The following FAM151A variants were observed in gnomAD, a reference collection of about 807,000 sequenced individuals.
FAM151A encodes protein FAM151A.
FAM151A carries 41 observed loss-of-function variants against 40.4 expected under a neutral mutation model. The ratio of observed to expected loss-of-function variants is 1.01; its 90% confidence interval spans 0.79 to 1.32. FAM151A has a LOEUF of 1.32. FAM151A is among the 40% of genes most tolerant of loss of function. The pLI, the probability that FAM151A is intolerant of heterozygous loss-of-function variation, is 0.00. For missense variants in FAM151A, 740 were observed against 740.4 expected (o/e 1.00, Z 0.01); for synonymous variants, 337 against 312.5 (o/e 1.08, Z -0.83).
At chr1:54,616,211 A>T (rs199663449) in intron 2 of FAM151A, 39 bp from the exon 3 acceptor site, 18 of 1,551,476 alleles carry the variant, frequency 1.2e-5, no homozygotes, top group Admixed American at 1.0e-4. Context: ...TCCTTTTTTT[A>T]AAAAAAGAAA....
At chr1:54,616,333 A>AT (rs1246953215) in intron 2 of FAM151A, among the ~76,000 whole-genome samples, 161 bp from the exon 3 acceptor site, 1 of 151,396 alleles carries the variant, frequency 6.6e-6, no homozygotes, top group Non-Finnish European at 1.5e-5. Context: ...CATTTCGATG[A>AT]TTTTTTTTCT....
At chr1:54,615,314 G>T (rs890140686) in intron 3 of FAM151A, among the ~76,000 whole-genome samples, 3 of 152,180 alleles carry the variant, frequency 2.0e-5, no homozygotes, top group Non-Finnish European at 4.4e-5. Context: ...AGGGTGGTGA[G>T]GAGATGAGGC....
chr1:54,609,606 C>T lies in FAM151A; in HGVS notation c.1420G>A (p.Val474Met), dbSNP rs371266614. ...TCAGGCCAGCCTGGTGCCACAGTCA[C>T]GTGGGGGAAGACCTCAGCCACAGCT... ...LTAVAEVFPHVTVAPGWPEEV... is the reference protein window; with the variant it reads ...LTAVAEVFPHMTVAPGWPEEV... Residue 474 changes from valine to methionine, a missense_variant, in exon 8 of 8, where the codon GTG (valine) becomes ATG (methionine). Val to Met is a conservative substitution (Grantham distance 21, BLOSUM62 1). Coordinates refer to ENST00000302250, the MANE Select transcript of FAM151A (RefSeq NM_176782.3). 2.6e-5 allele frequency: 42 copies of T among 1,613,176 alleles called. No homozygotes were observed. The highest frequency in any genetic ancestry group is 4.5e-5 in the East Asian group (2 of 44,894).
Position 54,611,660 on chromosome 1 carries a change from G to A in FAM151A, c.886C>T (p.Gln296Ter), listed in dbSNP as rs1644119946. Residue 296 changes from glutamine to a stop codon, truncating the protein, a stop_gained, in exon 6 of 8, where the codon CAA becomes TAA. Coordinates refer to ENST00000302250, the MANE Select transcript of FAM151A (RefSeq NM_176782.3). LOFTEE classifies it high-confidence loss of function. ...LYVRDNTAVH[Q>*]VYYDIFEPLL... ...GGCTCAAAGATGTCATAGTAGACTT[G>A]GTGGACAGCAGTGTTATCCCGGACG... The A allele has an allele frequency of 6.2e-7, 1 of 1,614,060 alleles. No homozygotes were observed. The highest frequency in any genetic ancestry group is 1.3e-5 in the African/African-American group (1 of 75,034).
rs944560520 is a variant in FAM151A, at chr1:54,610,002, T to A, written c.1085-61A>T. 9.1e-6 allele frequency: 14 copies of A among 1,532,326 alleles called. No homozygotes were observed. The African/African-American group carries it at 1.9e-4, about 21-fold the overall frequency. 94.9% of individuals were successfully genotyped at this position (1,532,326 alleles called of 1,614,324 possible). The stretch of plus-strand genomic sequence containing the variant: ...TTGGGTTATCATAAGGTGTTAAGAG[T>A]CCCTTGTTAAAGGGGCAGTGGGAGT... On this transcript the variant is annotated intron_variant, in intron 7 of 7. Coordinates refer to ENST00000302250, the MANE Select transcript of FAM151A (RefSeq NM_176782.3).
rs1039717077 is a variant in FAM151A, at chr1:54,616,178, G to A, written c.263-6C>T. The A allele has an allele frequency of 6.2e-7, 1 of 1,611,734 alleles. No homozygotes were observed. The highest frequency in any genetic ancestry group is 8.5e-7 in the Non-Finnish European group (1 of 1,178,378). On this transcript the variant is annotated splice_polypyrimidine_tract_variant and splice_region_variant and intron_variant, in intron 2 of 7. Coordinates refer to ENST00000302250, the MANE Select transcript of FAM151A (RefSeq NM_176782.3). ...CTCCAGGACTGTGATGTTGCCTGTG[G>A]AAGGGGCAACAACTCAGTGAGTTCC...
At chr1:54,614,604 G>T in intron 4 of FAM151A, 96 bp downstream of exon 4, 1 of 1,278,726 alleles carries the variant, frequency 7.8e-7, no homozygotes, top group South Asian at 1.5e-5. Flanking sequence ...TAGTATGATT[G>T]GAGACAAACT....
rs58464768 is a variant in FAM151A, at chr1:54,610,524, C to T, written c.972G>A (p.Thr324=). 18,210 of 1,613,256 alleles carry T rather than the reference C, an allele frequency of 0.011. 1,244 individuals carry two copies. In the African/African-American group the frequency reaches 0.16, roughly 14 times the overall value. ...GGAGAAGAGGGATCAGGCTGCCTCC[C>T]GTGTAGTACATTGGTTTCCGTGTGG... ...LNATRKPMYY[T]GGSLIPLLQL... Residue 324 remains threonine (T), a synonymous_variant, in exon 7 of 8, where the codon ACG becomes ACA. Transcript: ENST00000302250.
At position 54,614,950 on chromosome 1, in the gene FAM151A, G is replaced by GTT. The variant is rs970330104; in HGVS notation, c.416-92_416-91insAA. On this transcript the variant is annotated intron_variant, in intron 3 of 7. Coordinates refer to ENST00000302250, the MANE Select transcript of FAM151A (RefSeq NM_176782.3). ...CAGAAAGCAGAGCGGGTGTGTGTGT[G>GTT]TGTGCATGTGCGTGCACAGTGGAGT... is the stretch of plus-strand genomic sequence containing the variant. 2.3e-6 allele frequency: 3 copies of GTT among 1,292,942 alleles called. No individual in the cohort carries two copies. The African/African-American group carries it at 4.4e-5, about 19-fold the overall frequency. The allele number at this position is 1,292,942 out of a possible 1,614,324, so 80.1% of individuals were successfully genotyped here. A position where few individuals can be genotyped will look rare whatever the true frequency, so the allele number is the denominator to read the frequency against.
intron 4 of FAM151A, 94 bp from the exon 5 acceptor site, chr1:54,612,804 C>T: frequency 1.2e-6 from 1 of 862,602 alleles, no homozygotes; most frequent in South Asian, 1.5e-5. Flanking sequence ...GTGGCAGAGC[C>T]TATTGGATCT....
rs891806203 is a variant in FAM151A at position 54,610,787 on chromosome 1, C to G, written c.941-232G>C. The G allele has an allele frequency of 7.1e-6, 7 of 984,526 alleles. No homozygotes were observed. The African/African-American group carries it at 1.2e-4, about 17-fold the overall frequency. The allele number at this position is 984,526 out of a possible 1,614,324, so 61.0% of individuals were successfully genotyped here. ...TGGAACCTGATGGGACCAGGTCTGCCTGGCTCCAGAGCTGGTATCCTTCCC... is the reference window on the plus strand; with the variant it reads ...TGGAACCTGATGGGACCAGGTCTGCGTGGCTCCAGAGCTGGTATCCTTCCC... On this transcript the variant is annotated intron_variant, in intron 6 of 7. Coordinates refer to ENST00000302250, the MANE Select transcript of FAM151A (RefSeq NM_176782.3).
Position 54,609,692 on chromosome 1 carries a change from G to GC in FAM151A, c.1333dup (p.Ala445GlyfsTer25), listed in dbSNP as rs1557668267. ...CGAAAAACTCCCGTGGGAGATTTTGGCCCCAACCCACACAGGCCAATGCAA... is the reference window on the plus strand; with the variant it reads ...CGAAAAACTCCCGTGGGAGATTTTGGCCCCCAACCCACACAGGCCAATGCAA... On this transcript the variant is annotated frameshift_variant, in exon 8 of 8. Transcript: ENST00000302250. LOFTEE classifies it low-confidence loss of function (END_TRUNC). 1 of 1,614,018 alleles carries GC rather than the reference G, an allele frequency of 6.2e-7. No individual in the cohort carries two copies. The highest frequency in any genetic ancestry group is 1.7e-4 in the Middle Eastern group (1 of 6,060).
chr1:54,609,380 G>T lies in FAM151A; in HGVS notation c.1646C>A (p.Ala549Asp). 1 of 1,614,104 alleles carries T rather than the reference G, an allele frequency of 6.2e-7. No individual in the cohort carries two copies. The highest frequency in any genetic ancestry group is 1.3e-5 in the African/African-American group (1 of 75,048). The part of the protein sequence containing the change: ...VEHNPAGGDY[A>D]SVRTALLAAR... ...TGCCAGCAATGCTGTCCTCACAGAG[G>T]CATAGTCGCCCCCAGCTGGGTTGTG... The change falls in exon 8 of 8, where the codon GCC becomes GAC. Residue 549 changes from alanine to aspartate, a missense_variant. Ala to Asp is a moderately radical substitution (Grantham distance 126). Transcript: ENST00000302250.
At position 54,609,249 on chromosome 1, in the gene FAM151A, G is replaced by GAGGTCCGCTGA. The variant is rs1557667502; in HGVS notation, c.*18_*19insTCAGCGGACCT. 2.5e-6 allele frequency: 4 copies of GAGGTCCGCTGA among 1,593,726 alleles called. No individual in the cohort carries two copies. In the East Asian group the frequency reaches 9.0e-5, roughly 36 times the overall value. ...GAAGCCTCCGCCCTGAGGTCCGCTG[G>GAGGTCCGCTGA]CCCACCACCCCTGGGTGCTCAGTTT... is the stretch of plus-strand genomic sequence containing the variant. On this transcript the variant is annotated 3_prime_UTR_variant, in exon 8 of 8. Transcript: ENST00000302250.
intron 1 of FAM151A, 28 bp from the exon 2 acceptor site, chr1:54,620,035 C>T (rs767118053): frequency 9.3e-6 from 15 of 1,609,718 alleles, no homozygotes; most frequent in African/African-American, 4.0e-5. Context: ...GGGCTGTTAG[C>T]GTCTGTCCTC....
chr1:54,623,465 A>G lies in FAM151A; in HGVS notation c.-70T>C, dbSNP rs1385927596. On this transcript the variant is annotated 5_prime_UTR_variant, in exon 1 of 8. Transcript: ENST00000302250. ...GTCCCTGAGGCTCCCTGCAGCTGGA[A>G]TCCTGTGGGAGGCAGGAGCTCCCAG... 8 of 1,198,858 alleles carry G rather than the reference A, an allele frequency of 6.7e-6. No homozygotes were observed. The Admixed American group carries it at 1.4e-4, about 21-fold the overall frequency. The allele number at this position is 1,198,858 out of a possible 1,614,324, so 74.3% of individuals were successfully genotyped here. A position where few individuals can be genotyped will look rare whatever the true frequency, so the allele number is the denominator to read the frequency against.
At chr1:54,610,082 T>C (rs1482045012) in intron 7 of FAM151A, 141 bp from the exon 8 acceptor site, 3 of 1,436,002 alleles carry the variant, frequency 2.1e-6, no homozygotes, top group Non-Finnish European at 2.7e-6. Context: ...AGTTTTGGGC[T>C]CCAGGTGGAT....
chr1:54,612,108 G>T (rs1289996274), intron 5 of FAM151A, among the ~76,000 whole-genome samples: 1 of 150,448 alleles, frequency 6.6e-6, no homozygotes, highest in Non-Finnish European at 1.5e-5. Context: ...TGGAAGGTAG[G>T]GGGTATAGTG....
At chr1:54,618,724 C>T (rs1427404665) in intron 2 of FAM151A, among the ~76,000 whole-genome samples, 2 of 151,988 alleles carry the variant, frequency 1.3e-5, no homozygotes, top group Non-Finnish European at 2.9e-5. Flanking sequence ...CTCCTTGTGC[C>T]AGCTTTACCC....
Sources: allele counts gnomAD v4.1 joint callset (sites outside exome capture counted in the v4.1 genomes callset), GRCh38; gene constraint gnomAD v4.1.1; transcripts MANE v1.5; gene names NCBI Gene and HGNC (gene_info 2026-07-23, HGNC 2026-07-21).